The following STK32B variants were observed in gnomAD, a reference collection of about 807,000 sequenced individuals.
STK32B encodes serine/threonine-protein kinase 32B.
Under a neutral mutation model 52.6 loss-of-function variants are expected in STK32B, and 43 were observed. The ratio of observed to expected loss-of-function variants is 0.82; its 90% CI spans 0.64 to 1.05. The LOEUF is 1.05. Among genes scored for constraint, STK32B ranks in the 50% least tolerant of loss-of-function variants. The probability of loss-of-function intolerance (pLI) is 0.00; values close to 1 mark genes in which losing one functional copy is unlikely to be tolerated. For missense variants in STK32B, 621 were observed against 534.6 expected (o/e 1.16, Z -1.59); for synonymous variants, 238 against 204.3 (o/e 1.17, Z -1.41).
chr4:5,461,222 C>T (rs1311361106), intron 9 of STK32B, among the ~76,000 whole-genome samples: 2 of 152,132 alleles, frequency 1.3e-5, no homozygotes, highest in African/African-American at 2.4e-5. Flanking sequence ...TTGCCCTGCC[C>T]GGTAGCAGTG....
chr4:5,439,380 T>C lies in STK32B; in HGVS notation c.563-7293T>C, dbSNP rs201330482. Among the ~76,000 whole-genome samples, 681 of 152,016 alleles carry C rather than the reference T, an allele frequency of 4.5e-3. 15 individuals are homozygous for C. The East Asian group carries it at 0.065, about 14-fold the overall frequency. On this transcript the variant is annotated intron_variant, in intron 6 of 11. Coordinates refer to ENST00000282908, the MANE Select transcript of STK32B (RefSeq NM_018401.3). ...GATGATGAGCATTTTTTCATGTGTT[T>C]TTTGGCTGCATAAATGTCTTCTTTT...
the STK32B span, among the ~76,000 whole-genome samples, chr4:5,035,459 G>A: frequency 1.3e-5 from 2 of 152,182 alleles, no homozygotes; most frequent in Non-Finnish European, 2.9e-5. Flanking sequence ...AAAGGGGGAC[G>A]ATATGCTCGA....
intron 1 of STK32B, among the ~76,000 whole-genome samples, chr4:5,120,064 T>G (rs1215617057): frequency 2.0e-5 from 3 of 152,198 alleles, no homozygotes; most frequent in Admixed American, 2.0e-4. Context: ...ATGCCCTTCT[T>G]CTAAGTAGCG....
intron 11 of STK32B, among the ~76,000 whole-genome samples, chr4:5,486,249 C>T (rs1271437133): frequency 2.0e-5 from 3 of 152,176 alleles, no homozygotes; most frequent in South Asian, 2.1e-4. Flanking sequence ...TTCGAGCTTC[C>T]CAGCCTCTTT....
chr4:5,153,783 C>T (rs894583328), intron 2 of STK32B, among the ~76,000 whole-genome samples: 2 of 151,994 alleles, frequency 1.3e-5, no homozygotes, highest in African/African-American at 2.4e-5. Flanking sequence ...ACATGGAAAA[C>T]ATCAAAGAAA....
intron 9 of STK32B, among the ~76,000 whole-genome samples, chr4:5,464,453 G>A (rs1361064060): frequency 6.6e-6 from 1 of 152,178 alleles, no homozygotes; most frequent in Non-Finnish European, 1.5e-5. Context: ...GTCGCAGTGC[G>A]CCTGCCATCC....
At chr4:5,188,154 A>G (rs914735773) in intron 3 of STK32B, among the ~76,000 whole-genome samples, 9 of 152,182 alleles carry the variant, frequency 5.9e-5, no homozygotes, top group African/African-American at 2.2e-4. Flanking sequence ...CAAAGTGTGA[A>G]TAATATCCTA....
Position 5,470,158 on chromosome 4 carries a change from A to T in STK32B, c.1106+2088A>T. The stretch of plus-strand genomic sequence containing the variant: ...TGAGACATCCTTCCCTGTGTCATTT[A>T]GGAGTTGCGTCTGCTGCTTTTAGCA... On this transcript the variant is annotated intron_variant, in intron 11 of 11. Coordinates refer to ENST00000282908, the MANE Select transcript of STK32B (RefSeq NM_018401.3). This position sits in a 1 kb window ranked among gnomAD's most constrained non-coding sequence, Gnocchi z 4.6. Among the ~76,000 whole-genome samples, 1 of 152,326 alleles carries T rather than the reference A, an allele frequency of 6.6e-6. No individual in the cohort carries two copies. The highest frequency in any genetic ancestry group is 1.9e-4 in the East Asian group (1 of 5,184).
chr4:5,440,937 G>A (rs1033850533), intron 6 of STK32B, among the ~76,000 whole-genome samples: 13 of 150,806 alleles, frequency 8.6e-5, no homozygotes, highest in African/African-American at 2.7e-4. Context: ...AACCAGCCTT[G>A]CATCCCAGGG....
intron 1 of STK32B, among the ~76,000 whole-genome samples, chr4:5,078,407 A>C (rs578085874): frequency 6.6e-6 from 1 of 152,192 alleles, no homozygotes; most frequent in East Asian, 1.9e-4. Flanking sequence ...GACTGAAACA[A>C]AACAAACTGA....
intron 4 of STK32B, among the ~76,000 whole-genome samples, chr4:5,358,183 A>T (rs532955582): frequency 6.6e-6 from 1 of 152,186 alleles, no homozygotes; most frequent in African/African-American, 2.4e-5. Context: ...TTGCACCCGC[A>T]ATTGGGTGGA....
chr4:5,206,282 C>G (rs1722573261), intron 3 of STK32B, among the ~76,000 whole-genome samples: 1 of 152,150 alleles, frequency 6.6e-6, no homozygotes, highest in Non-Finnish European at 1.5e-5. Context: ...CTCCTGATTC[C>G]CCTCCACAGT....
rs1735715927 is a variant in STK32B at position 5,378,397 on chromosome 4, T to C, written c.435-19810T>C. The stretch of plus-strand genomic sequence containing the variant: ...ATTCTGAAGCCCTGTGCCTGGGTCG[T>C]AGCCCTGGACTTTGCATTTTATTTT... On this transcript the variant is annotated intron_variant, in intron 4 of 11. Coordinates refer to ENST00000282908, the MANE Select transcript of STK32B (RefSeq NM_018401.3). This position sits in a 1 kb window ranked among gnomAD's most constrained non-coding sequence, Gnocchi z 4.4. 6.6e-6 allele frequency among the ~76,000 whole-genome samples: 1 copy of C among 152,244 alleles called. No individual in the cohort carries two copies. Among genetic ancestry groups the C allele is most frequent in the South Asian group, 2.1e-4 (1 of 4,834 alleles).
intron 3 of STK32B, among the ~76,000 whole-genome samples, chr4:5,304,596 G>T (rs961999755): frequency 1.3e-5 from 2 of 151,928 alleles, no homozygotes; most frequent in African/African-American, 4.8e-5. Flanking sequence ...AGTCTTTAGG[G>T]TTTTCTAGGT....
At chr4:5,246,515 C>T (rs934514086) in intron 3 of STK32B, among the ~76,000 whole-genome samples, 1 of 152,120 alleles carries the variant, frequency 6.6e-6, no homozygotes, top group Admixed American at 6.5e-5. Flanking sequence ...GCCATTGGTT[C>T]AAACTTCCTC....
chr4:5,382,152 T>G (rs564906510), intron 4 of STK32B, among the ~76,000 whole-genome samples: 258 of 152,250 alleles, frequency 1.7e-3, no homozygotes, highest in African/African-American at 6.1e-3. Context: ...CTGACTTAAA[T>G]GTTAATCTTA....
intron 3 of STK32B, among the ~76,000 whole-genome samples, chr4:5,320,237 T>C (rs1731398933): frequency 6.6e-6 from 1 of 152,142 alleles, no homozygotes; most frequent in African/African-American, 2.4e-5. Flanking sequence ...TGATGAATGA[T>C]TCCCCCTCCC....
intron 3 of STK32B, among the ~76,000 whole-genome samples, chr4:5,288,184 G>GT: frequency 6.6e-6 from 1 of 152,234 alleles, no homozygotes; most frequent in East Asian, 1.9e-4. Context: ...CCTATTTTGA[G>GT]TAATGCTACT....
intron 3 of STK32B, among the ~76,000 whole-genome samples, chr4:5,180,870 G>GAT (rs1231873316): frequency 2.0e-5 from 3 of 152,188 alleles, no homozygotes; most frequent in Non-Finnish European, 4.4e-5. Context: ...CTAAGCCTGT[G>GAT]ATGACCCAAG....
Sources: gnomAD v4.1 joint callset for allele counts (sites outside exome capture counted in the v4.1 genomes callset) on GRCh38, gnomAD v4.1.1 for gene constraint, Gnocchi (gnomAD v3.1) non-coding constraint, MANE v1.5 for transcripts, NCBI Gene and HGNC (gene_info 2026-07-23, HGNC 2026-07-21) for gene names.